Variants in CEP128 observed in about 807,000 individuals in gnomAD.
CEP128 encodes the protein centrosomal protein 128, also known as centrosomal protein 128kDa.
Under a neutral mutation model 156.7 loss-of-function variants are expected in CEP128, and 132 were observed. That is an observed-to-expected ratio of 0.84 (90% CI 0.73 to 0.97). The LOEUF (loss-of-function observed/expected upper bound fraction) is 0.97. Ranked by LOEUF, CEP128 falls within the 50% of genes least tolerant of loss-of-function variation. The pLI, the probability that CEP128 is intolerant of heterozygous loss-of-function variation, is 0.00. For missense variants in CEP128, 1,252 were observed against 1,281.9 expected (o/e 0.98, Z 0.36); for synonymous variants, 469 against 448.9 (o/e 1.04, Z -0.57).
rs763373828 is a variant in CEP128, at chr14:80,777,973, T to C, written c.2285A>G (p.Asp762Gly). 59 of 1,613,360 alleles carry C rather than the reference T, an allele frequency of 3.7e-5. No homozygotes were observed. Among genetic ancestry groups the C allele is most frequent in the Non-Finnish European group, 5.0e-5 (59 of 1,179,552 alleles). The change falls in exon 16 of 25, where the codon GAC (aspartate) becomes GGC (glycine). Residue 762 changes from aspartate to glycine, a missense_variant. Transcript: ENST00000555265. ...GQLEKLKSQC[D>G]RLTEELTQNE... ...CTGGGTTAATTCCTCTGTCAGTCTG[T>C]CACACTGTGATTTCAACTTCTCCAG...
At chr14:80,656,061 A>G (rs1339928639) in intron 19 of CEP128, among the ~76,000 whole-genome samples, 1 of 150,748 alleles carries the variant, frequency 6.6e-6, no homozygotes, top group Admixed American at 6.7e-5. Context: ...TTGCTCCTCC[A>G]CTCCCAGCAT....
chr14:80,704,123 C>T (rs1009801059), intron 19 of CEP128, among the ~76,000 whole-genome samples: 8 of 152,010 alleles, frequency 5.3e-5, no homozygotes, highest in East Asian at 1.9e-4. Context: ...ACATCATTAT[C>T]TGTTCCTTAC....
intron 19 of CEP128, among the ~76,000 whole-genome samples, chr14:80,595,906 T>C (rs894342243): frequency 6.6e-6 from 1 of 152,084 alleles, no homozygotes; most frequent in African/African-American, 2.4e-5. Flanking sequence ...ATGAGACTTA[T>C]TCACTATCAC....
At chr14:80,578,362 A>C (rs1320779447) in intron 20 of CEP128, among the ~76,000 whole-genome samples, 1 of 152,150 alleles carries the variant, frequency 6.6e-6, no homozygotes, top group East Asian at 1.9e-4. Flanking sequence ...CCTACCCCTA[A>C]GGAGAATGAC....
chr14:80,525,720 C>T (rs950915312), intron 23 of CEP128, among the ~76,000 whole-genome samples: 2 of 152,098 alleles, frequency 1.3e-5, no homozygotes, highest in African/African-American at 4.8e-5. Context: ...AGGATGCTCT[C>T]TTCACAGTAA....
chr14:80,678,492 G>C (rs560590940), intron 19 of CEP128, among the ~76,000 whole-genome samples: 64 of 152,192 alleles, frequency 4.2e-4, no homozygotes, highest in African/African-American at 1.3e-3. Flanking sequence ...CAGCAACGTA[G>C]TGCATAAAGA....
intron 19 of CEP128, among the ~76,000 whole-genome samples, chr14:80,717,992 T>C (rs1005866745): frequency 6.6e-6 from 1 of 151,688 alleles, no homozygotes; most frequent in Non-Finnish European, 1.5e-5. Context: ...CTTGTGTGTG[T>C]GTATGTGTAT....
At chr14:80,602,145 C>G (rs1195769235) in intron 19 of CEP128, among the ~76,000 whole-genome samples, 1 of 152,040 alleles carries the variant, frequency 6.6e-6, no homozygotes, top group East Asian at 1.9e-4. Flanking sequence ...GACTATATAA[C>G]AATTATAAGT....
chr14:80,497,896 C>T (rs1156649563), intron 24 of CEP128, among the ~76,000 whole-genome samples: 4 of 152,198 alleles, frequency 2.6e-5, no homozygotes, highest in Admixed American at 6.5e-5. Flanking sequence ...CTTGCACACT[C>T]GCAAAGAATT....
chr14:80,607,430 A>G (rs1382525273), intron 19 of CEP128, among the ~76,000 whole-genome samples: 1 of 152,144 alleles, frequency 6.6e-6, no homozygotes, highest in Non-Finnish European at 1.5e-5. Flanking sequence ...CCCCTTTTGG[A>G]CACAATTTAT....
At position 80,813,205 on chromosome 14, in the gene CEP128, A is replaced by G. The variant is rs545315616; in HGVS notation, c.1209+17938T>C. On this transcript the variant is annotated intron_variant, in intron 13 of 24. Transcript: ENST00000555265. ...CCGTTGATAGTTTCTTTTGCTGTGT[A>G]GAAGTTCTTTAGTTAGATGTCACTT... Among the ~76,000 whole-genome samples, 22 of 152,294 alleles carry G rather than the reference A, an allele frequency of 1.4e-4. No homozygotes were observed. The South Asian group carries it at 4.4e-3, about 30-fold the overall frequency.
At chr14:80,584,269 C>T (rs1487098580) in intron 19 of CEP128, among the ~76,000 whole-genome samples, 6 of 151,512 alleles carry the variant, frequency 4.0e-5, no homozygotes, top group Non-Finnish European at 8.8e-5. Context: ...GCCTCAGCCT[C>T]CTCAGTAGCT....
At chr14:80,878,887 C>A (rs1455603393) in intron 8 of CEP128, among the ~76,000 whole-genome samples, 1 of 152,158 alleles carries the variant, frequency 6.6e-6, no homozygotes, top group East Asian at 1.9e-4. Context: ...GTTGTGGATC[C>A]CAGTGCCACT....
chr14:80,699,912 T>TA lies in CEP128; in HGVS notation c.2806+43162dup, dbSNP rs1382931330. Reference sequence around the variant, plus strand: ...ACTTATGCCTGCAGCGTGTCTCCCTTAGGCAAGGAAGTAGTATATCTTCAA... The same window carrying TA: ...ACTTATGCCTGCAGCGTGTCTCCCTTAAGGCAAGGAAGTAGTATATCTTCAA... On this transcript the variant is annotated intron_variant, in intron 19 of 24. Transcript: ENST00000555265. Among the ~76,000 whole-genome samples, 3 of 152,156 alleles carry TA rather than the reference T, an allele frequency of 2.0e-5. No individual in the cohort carries two copies. The East Asian group carries it at 5.8e-4, about 29-fold the overall frequency.
intron 2 of CEP128, among the ~76,000 whole-genome samples, chr14:80,948,169 T>C (rs1301698200): frequency 1.3e-5 from 2 of 152,218 alleles, no homozygotes; most frequent in Admixed American, 6.5e-5. Flanking sequence ...TCACTCTCTT[T>C]ACATCAGCAG....
chr14:80,760,433 G>A (rs1416255927), intron 17 of CEP128, among the ~76,000 whole-genome samples: 2 of 151,926 alleles, frequency 1.3e-5, no homozygotes, highest in African/African-American at 4.8e-5. Context: ...AGAAAAAAAG[G>A]CAGAGAGAAA....
Position 80,796,983 on chromosome 14 carries a change from G to A in CEP128, c.1210-3873C>T, listed in dbSNP as rs550084286. ...GCTGAATTGTGTATTTTAATAGTGA[G>A]CAGATCTGAAATAATCACTGTAGGA... On this transcript the variant is annotated intron_variant, in intron 13 of 24. Transcript: ENST00000555265. 2.0e-4 allele frequency among the ~76,000 whole-genome samples: 31 copies of A among 152,284 alleles called. No homozygotes were observed. In the South Asian group the frequency reaches 6.0e-3, roughly 30 times the overall value.
intron 21 of CEP128, among the ~76,000 whole-genome samples, chr14:80,543,214 T>C (rs1279729594): frequency 6.6e-6 from 1 of 152,248 alleles, no homozygotes; most frequent in East Asian, 1.9e-4. Flanking sequence ...TAATCCTTTT[T>C]TGAACACTTA....
At chr14:80,530,187 G>A (rs750221575) in intron 22 of CEP128, among the ~76,000 whole-genome samples, 4 of 152,108 alleles carry the variant, frequency 2.6e-5, no homozygotes, top group East Asian at 1.9e-4. Context: ...GGCTATATAC[G>A]ACGTTCTTGG....
Sources: allele counts gnomAD v4.1 joint callset (sites outside exome capture counted in the v4.1 genomes callset), GRCh38; gene constraint gnomAD v4.1.1; transcripts MANE v1.5; gene names NCBI Gene and HGNC (gene_info 2026-07-23, HGNC 2026-07-21).